The following APLF variants were observed in gnomAD, a reference collection of about 807,000 sequenced individuals.
APLF encodes aprataxin and PNK-like factor.
APLF carries 61 observed loss-of-function variants against 55.6 expected under a neutral mutation model. The ratio of observed to expected loss-of-function variants is 1.10; its 90% CI spans 0.89 to 1.36. The LOEUF is 1.36. Among genes scored for constraint, APLF ranks in the 40% most tolerant of loss-of-function variants. The probability of loss-of-function intolerance (pLI) is 0.00; values close to 1 mark genes in which losing one functional copy is unlikely to be tolerated. For missense variants in APLF, 611 were observed against 602.5 expected (o/e 1.01, Z -0.15); for synonymous variants, 207 against 214.8 (o/e 0.96, Z 0.32).
At chr2:68,516,924 TATATAATATATA>T (rs1302340078) in intron 5 of APLF, among the ~76,000 whole-genome samples, 1 of 126,374 alleles carries the variant, frequency 7.9e-6, no homozygotes, top group Non-Finnish European at 1.6e-5. Flanking sequence ...TATAACATTA[TATATAATATATA>T]ATATAATATA....
chr2:68,485,607 C>T (rs1020094176), intron 1 of APLF, among the ~76,000 whole-genome samples: 22 of 151,936 alleles, frequency 1.4e-4, no homozygotes, highest in African/African-American at 4.8e-4. Flanking sequence ...AAATAAACAT[C>T]CTTTTATCCG....
rs1400465341 is a variant in APLF at position 68,580,093 on chromosome 2, A to C, written c.*2071A>C. On this transcript the variant is annotated 3_prime_UTR_variant, in exon 10 of 10. Coordinates refer to ENST00000303795, the MANE Select transcript of APLF (RefSeq NM_173545.3). Reference sequence around the variant, plus strand: ...GCTTTTAACGATACAGTTTTAATGCAACTTTCATAATCATCCTGAAGACAC... The same window carrying C: ...GCTTTTAACGATACAGTTTTAATGCCACTTTCATAATCATCCTGAAGACAC... 1 of 942,610 alleles carries C rather than the reference A, an allele frequency of 1.1e-6. No homozygotes were observed. The allele number at this position is 942,610 out of a possible 1,614,324, so 58.4% of individuals were successfully genotyped here.
At chr2:68,519,619 C>T (rs984812654) in intron 5 of APLF, among the ~76,000 whole-genome samples, 21 of 149,744 alleles carry the variant, frequency 1.4e-4, no homozygotes, top group Non-Finnish European at 2.8e-4. Context: ...AGGATCAACA[C>T]ATACAGAGAT....
At chr2:68,523,912 A>C in intron 5 of APLF, among the ~76,000 whole-genome samples, 1 of 151,802 alleles carries the variant, frequency 6.6e-6, no homozygotes, top group Admixed American at 6.6e-5. Context: ...TGCAGAAAAA[A>C]AAAATTAGCT....
At chr2:68,514,164 A>G (rs940072963) in intron 5 of APLF, among the ~76,000 whole-genome samples, 17 of 151,628 alleles carry the variant, frequency 1.1e-4, no homozygotes, top group African/African-American at 4.1e-4. Flanking sequence ...GTGTAAGTTT[A>G]TGTTTCTCCG....
intron 5 of APLF, among the ~76,000 whole-genome samples, chr2:68,513,937 G>A (rs1352166429): frequency 6.6e-6 from 1 of 151,636 alleles, no homozygotes; most frequent in Non-Finnish European, 1.5e-5. Context: ...TATTAATAAA[G>A]ACTTCCAAAC....
At chr2:68,559,898 G>A (rs768846334) in intron 8 of APLF, among the ~76,000 whole-genome samples, 50 of 152,006 alleles carry the variant, frequency 3.3e-4, no homozygotes, top group Non-Finnish European at 6.3e-4. Flanking sequence ...AACTGTCATG[G>A]CTTACAAGTT....
rs71395973 is a variant in APLF at position 68,493,327 on chromosome 2, G to GA, written c.168+3075dup. On this transcript the variant is annotated intron_variant, in intron 2 of 9. Coordinates refer to ENST00000303795, the MANE Select transcript of APLF (RefSeq NM_173545.3). ...TGGTACTGGGACAGTTATCTGTTTG[G>GA]AAAAAAAAATTAGATCCCTACTGCA... is the stretch of plus-strand genomic sequence containing the variant. Among the ~76,000 whole-genome samples, 1,195 of 150,684 alleles carry GA rather than the reference G, an allele frequency of 7.9e-3. 15 individuals are homozygous for GA. The highest frequency in any genetic ancestry group is 0.028 in the African/African-American group (1,133 of 41,134).
At chr2:68,473,995 T>A (rs1382561092) in intron 1 of APLF, among the ~76,000 whole-genome samples, 2 of 152,320 alleles carry the variant, frequency 1.3e-5, no homozygotes, top group Admixed American at 6.5e-5. Context: ...TACCTGTGCT[T>A]CTGAACCACT....
In APLF at chr2:68,538,000, T is replaced by C. The variant is rs1384290047; in HGVS notation, c.933T>C (p.Thr311=). The part of the protein sequence containing the change: ...LGKVSKHKIA[T]KRTPHKEDEA... ...AAGTTTCTAAACATAAAATTGCCAC[T>C]AAAAGAACACCACATAAAGAAGATG... The change falls in exon 7 of 10, where the codon ACT becomes ACC. Residue 311 remains threonine, a synonymous_variant. Coordinates refer to ENST00000303795, the MANE Select transcript of APLF (RefSeq NM_173545.3). 2 of 1,610,172 alleles carry C rather than the reference T, an allele frequency of 1.2e-6. No individual in the cohort carries two copies. Among genetic ancestry groups the C allele is most frequent in the Non-Finnish European group, 1.7e-6 (2 of 1,177,048 alleles).
rs374196156 is a variant in APLF, at chr2:68,502,869, A to T, written c.307A>T (p.Ile103Leu). 1.2e-6 allele frequency: 2 copies of T among 1,606,216 alleles called. No homozygotes were observed. The highest frequency in any genetic ancestry group is 1.7e-6 in the Non-Finnish European group (2 of 1,177,420). ...VDKYIFRILSIPSEVEMQCTL... is the reference protein window; with the variant it reads ...VDKYIFRILSLPSEVEMQCTL... The stretch of plus-strand genomic sequence containing the variant: ...CAAATACATTTTCCGCATTCTCTCT[A>T]TACCCTCTGAAGTGGAAATGCAATG... Residue 103 changes from isoleucine to leucine, a missense_variant, in exon 3 of 10, where the codon ATA becomes TTA. Coordinates refer to ENST00000303795, the MANE Select transcript of APLF (RefSeq NM_173545.3).
At chr2:68,528,969 C>G (rs1486034707) in intron 6 of APLF, 12 of 1,526,616 alleles carry the variant, frequency 7.9e-6, no homozygotes, top group Admixed American at 2.0e-5. Flanking sequence ...TGGGTCTGTA[C>G]CTGGTCTTTC....
chr2:68,472,808 C>T (rs536903240), intron 1 of APLF, among the ~76,000 whole-genome samples: 1 of 152,076 alleles, frequency 6.6e-6, no homozygotes, highest in Middle Eastern at 3.4e-3. Flanking sequence ...TCAATGATCC[C>T]GTTTAACTTT....
intron 5 of APLF, among the ~76,000 whole-genome samples, chr2:68,517,636 A>G (rs1669660307): frequency 6.9e-6 from 1 of 144,632 alleles, no homozygotes. Context: ...ATGTAACAAT[A>G]TATCACTAAT....
Position 68,467,690 on chromosome 2 carries a change from A to C in APLF, c.-42A>C, listed in dbSNP as rs1675470785. On this transcript the variant is annotated 5_prime_UTR_variant, in exon 1 of 10. Transcript: ENST00000303795. The stretch of plus-strand genomic sequence containing the variant: ...TGTCTGTGGAGGGCGGAAACAGCGG[A>C]GGGGCCAGTCTCCTGGCGAAGGGGC... 1.9e-5 allele frequency: 23 copies of C among 1,220,964 alleles called. No homozygotes were observed. Among genetic ancestry groups the C allele is most frequent in the Non-Finnish European group, 2.4e-5 (23 of 975,756 alleles). The allele number at this position is 1,220,964 out of a possible 1,614,324, so 75.6% of individuals were successfully genotyped here.
intron 7 of APLF, 122 bp from the exon 8 acceptor site, chr2:68,545,065 G>A: frequency 1.7e-6 from 2 of 1,150,700 alleles, no homozygotes; most frequent in South Asian, 1.6e-5. Flanking sequence ...TGTCATCAAT[G>A]TAGCATGTTG....
intron 5 of APLF, among the ~76,000 whole-genome samples, chr2:68,518,687 T>C (rs1311544205): frequency 8.1e-6 from 1 of 123,594 alleles, no homozygotes; most frequent in Non-Finnish European, 1.6e-5. Flanking sequence ...CATGAATATA[T>C]ATCATTAATA....
At chr2:68,544,451 G>C (rs1368109756) in intron 7 of APLF, among the ~76,000 whole-genome samples, 1 of 152,038 alleles carries the variant, frequency 6.6e-6, no homozygotes, top group East Asian at 1.9e-4. Flanking sequence ...CTAAAGTAGA[G>C]ATTAAATAAA....
chr2:68,505,078 T>A (rs1676835176), intron 3 of APLF, among the ~76,000 whole-genome samples: 1 of 152,064 alleles, frequency 6.6e-6, no homozygotes, highest in Non-Finnish European at 1.5e-5. Flanking sequence ...CTAAAAATGC[T>A]TAAATGTAAG....
Sources: allele counts gnomAD v4.1 joint callset (sites outside exome capture counted in the v4.1 genomes callset), GRCh38; gene constraint gnomAD v4.1.1; transcripts MANE v1.5; gene names NCBI Gene and HGNC (gene_info 2026-07-23, HGNC 2026-07-21).